Variants in ZC3H12C observed in about 807,000 individuals in gnomAD.
ZC3H12C encodes probable ribonuclease ZC3H12C.
A neutral mutation model predicts 76.3 loss-of-function variants in ZC3H12C; 20 were observed. The observed-to-expected ratio is 0.26, with a 90% CI of 0.18 to 0.38. The LOEUF (loss-of-function observed/expected upper bound fraction) is 0.38, where lower values mean the gene tolerates loss of function less well. ZC3H12C is among the 10% of genes least tolerant of loss of function. The pLI is 1.00. For missense variants in ZC3H12C, 874 were observed against 1,086.5 expected, an observed-to-expected ratio of 0.80 and a Z score of 2.75; for synonymous variants, 352 against 399.6, an observed-to-expected ratio of 0.88 and a Z score of 1.42.
intron 1 of ZC3H12C, among the ~76,000 whole-genome samples, chr11:110,112,589 G>C (rs1424713885): frequency 6.6e-6 from 1 of 152,182 alleles, no homozygotes; most frequent in East Asian, 1.9e-4. Flanking sequence ...CGCTGAGAAG[G>C]GTTAAAGAAG....
intron 3 of ZC3H12C, among the ~76,000 whole-genome samples, chr11:110,158,797 C>A (rs970649591): frequency 1.3e-5 from 2 of 152,156 alleles, no homozygotes; most frequent in Non-Finnish European, 1.5e-5. Flanking sequence ...TCATACTCTC[C>A]CACTAGTTAG....
At chr11:110,107,321 A>G (rs1861347659) in intron 1 of ZC3H12C, among the ~76,000 whole-genome samples, 1 of 152,318 alleles carries the variant, frequency 6.6e-6, no homozygotes, top group African/African-American at 2.4e-5. Flanking sequence ...CATATCTATA[A>G]AATATGAGTA....
intron 1 of ZC3H12C, among the ~76,000 whole-genome samples, chr11:110,097,381 A>G (rs1404735029): frequency 2.6e-5 from 4 of 152,182 alleles, no homozygotes; most frequent in African/African-American, 9.7e-5. Flanking sequence ...AGAAAATCCC[A>G]TGGTCTTCCT....
At chr11:110,149,262 C>T (rs898108274) in intron 2 of ZC3H12C, among the ~76,000 whole-genome samples, 5 of 152,154 alleles carry the variant, frequency 3.3e-5, no homozygotes, top group African/African-American at 1.2e-4. Context: ...CGGGGACCCA[C>T]CCTGCTCATC....
chr11:110,138,492 A>G (rs1862011388), intron 2 of ZC3H12C, among the ~76,000 whole-genome samples: 1 of 152,184 alleles, frequency 6.6e-6, no homozygotes, highest in Admixed American at 6.5e-5. Flanking sequence ...TTAGGCTAAC[A>G]TGTCTAAAAT....
chr11:110,129,730 C>T (rs147076623), intron 1 of ZC3H12C, among the ~76,000 whole-genome samples: 7 of 152,178 alleles, frequency 4.6e-5, no homozygotes, highest in Admixed American at 1.3e-4. Context: ...TTCTACATCA[C>T]GTAAGTAAAT....
chr11:110,162,184 G>C (rs1041773908), intron 4 of ZC3H12C, among the ~76,000 whole-genome samples: 5 of 152,048 alleles, frequency 3.3e-5, no homozygotes, highest in African/African-American at 1.2e-4. Context: ...ACATGGGAAA[G>C]TTTTTTTATG....
chr11:110,120,614 C>T (rs1467330935), intron 1 of ZC3H12C, among the ~76,000 whole-genome samples: 2 of 152,172 alleles, frequency 1.3e-5, no homozygotes, highest in Non-Finnish European at 2.9e-5. Flanking sequence ...TCACCATTCT[C>T]CCTGCACACT....
Position 110,160,875 on chromosome 11 carries a change from C to T in ZC3H12C, c.1148+1385C>T, listed in dbSNP as rs550547855. Among the ~76,000 whole-genome samples, 12 of 152,150 alleles carry T rather than the reference C, an allele frequency of 7.9e-5. No individual in the cohort carries two copies. In the South Asian group the frequency reaches 2.5e-3, roughly 32 times the overall value. On this transcript the variant is annotated intron_variant, in intron 4 of 5. Transcript: ENST00000278590. ...TTTTTGAGACGGAGTCTTGCCCTGT[C>T]GCCCAAGCTGGAGTGCAGTGGTGCC...
At chr11:110,157,174 G>A (rs1326381865) in intron 3 of ZC3H12C, among the ~76,000 whole-genome samples, 20 of 129,232 alleles carry the variant, frequency 1.5e-4, no homozygotes, top group African/African-American at 3.8e-4. Flanking sequence ...GCAAGACTCC[G>A]TCTCAAAAAA....
chr11:110,136,594 T>C, intron 1 of ZC3H12C, 69 bp from the exon 2 acceptor site: 1 of 1,512,550 alleles, frequency 6.6e-7, no homozygotes, highest in Non-Finnish European at 8.9e-7. Flanking sequence ...AATTCTCTTC[T>C]GACTTCTCCA....
intron 1 of ZC3H12C, among the ~76,000 whole-genome samples, chr11:110,098,432 G>GA (rs1323385817): frequency 6.6e-6 from 1 of 152,048 alleles, no homozygotes; most frequent in East Asian, 1.9e-4. Flanking sequence ...ATTGAAGAAA[G>GA]AAAAATTTTT....
At chr11:110,161,162 C>T (rs749636935) in intron 4 of ZC3H12C, among the ~76,000 whole-genome samples, 6 of 152,074 alleles carry the variant, frequency 3.9e-5, no homozygotes, top group African/African-American at 9.7e-5. Flanking sequence ...CATGGTTTAT[C>T]GAGTATTATG....
At chr11:110,093,922 ATCGC>A (rs996179827) in intron 1 of ZC3H12C, among the ~76,000 whole-genome samples, 2 of 151,570 alleles carry the variant, frequency 1.3e-5, no homozygotes, top group Non-Finnish European at 2.9e-5. Flanking sequence ...CTCCATCCAG[ATCGC>A]CAGCAACCCC....
At chr11:110,120,381 TCA>T (rs1326310925) in intron 1 of ZC3H12C, among the ~76,000 whole-genome samples, 1 of 152,180 alleles carries the variant, frequency 6.6e-6, no homozygotes, top group Non-Finnish European at 1.5e-5. Context: ...ATAAGGCACA[TCA>T]CAGCCTTCTT....
intron 1 of ZC3H12C, among the ~76,000 whole-genome samples, chr11:110,125,400 C>T (rs1212348838): frequency 6.6e-6 from 1 of 151,828 alleles, no homozygotes; most frequent in Non-Finnish European, 1.5e-5. Context: ...TGGCTCCCTG[C>T]AACCTCCACC....
intron 1 of ZC3H12C, among the ~76,000 whole-genome samples, chr11:110,115,743 ATTTTCTTTTTTTTTTTTTTT>A (rs1286645304): frequency 2.6e-5 from 3 of 113,294 alleles, no homozygotes; most frequent in Non-Finnish European, 5.4e-5. Flanking sequence ...CTGTTTTCTC[ATTTTCTTTTTTTTTTTTTTT>A]TTTTCTTTTT....
intron 1 of ZC3H12C, among the ~76,000 whole-genome samples, chr11:110,102,696 G>A (rs1861239279): frequency 6.6e-6 from 1 of 152,164 alleles, no homozygotes; most frequent in Admixed American, 6.5e-5. Flanking sequence ...AGCGTTGCAT[G>A]CTACAGAGAA....
chr11:110,098,640 A>G (rs945094527), intron 1 of ZC3H12C, among the ~76,000 whole-genome samples: 3 of 152,176 alleles, frequency 2.0e-5, no homozygotes, highest in Non-Finnish European at 4.4e-5. Flanking sequence ...TTTTTACTCT[A>G]CCTTTTCTAT....
Sources: gnomAD v4.1 joint callset for allele counts (sites outside exome capture counted in the v4.1 genomes callset) on GRCh38, gnomAD v4.1.1 for gene constraint, MANE v1.5 for transcripts, NCBI Gene and HGNC (gene_info 2026-07-23, HGNC 2026-07-21) for gene names.